ACYP2: variants seen among roughly 807,000 people sequenced by gnomAD.
The protein encoded by ACYP2 is acylphosphatase 2, also known as acylphosphatase-2.
A neutral mutation model predicts 11.2 loss-of-function variants in ACYP2; 12 were observed. The observed-to-expected ratio is 1.08, with a 90% CI of 0.69 to 1.74. ACYP2 has a LOEUF of 1.74. Ranked by LOEUF, ACYP2 falls within the 40% of genes most tolerant of loss-of-function variation. The pLI is 0.00. For synonymous variants in ACYP2, 43 were observed against 32.2 expected, an observed-to-expected ratio of 1.33 and a Z score of -1.13; for missense variants, 134 against 101.9, an observed-to-expected ratio of 1.31 and a Z score of -1.35.
chr2:54,297,397 C>T (rs1349544589), intron 6 of ACYP2, among the ~76,000 whole-genome samples: 1 of 152,092 alleles, frequency 6.6e-6, no homozygotes, highest in East Asian at 1.9e-4. Context: ...ACTTGAGAGG[C>T]TGAGATGGGA....
chr2:54,080,291 G>C (rs1205553577), intron 4 of ACYP2: 1 of 152,190 alleles, frequency 6.6e-6, no homozygotes, highest in East Asian at 1.9e-4. Context: ...TGGAAGCAAG[G>C]ACCCTAAAAA....
intron 6 of ACYP2, among the ~76,000 whole-genome samples, chr2:54,266,688 C>T (rs1688043089): frequency 7.0e-6 from 1 of 143,342 alleles, no homozygotes; most frequent in South Asian, 2.3e-4. Context: ...TCACTGCAAG[C>T]TCCGCCGTCC....
At chr2:54,100,068 TC>T (rs1167027626) in intron 4 of ACYP2, among the ~76,000 whole-genome samples, 2 of 152,244 alleles carry the variant, frequency 1.3e-5, no homozygotes, top group African/African-American at 4.8e-5. Context: ...CAAATTTAAG[TC>T]TTCCAGGTGT....
chr2:54,144,547 A>ATG (rs1681795811), intron 6 of ACYP2, among the ~76,000 whole-genome samples: 2 of 151,704 alleles, frequency 1.3e-5, no homozygotes, highest in Non-Finnish European at 2.9e-5. Context: ...GGTGGTACAC[A>ATG]CCTGTAATCC....
rs921147954 is a variant in ACYP2 at position 54,121,091 on chromosome 2, G to A, written c.278-14362G>A. On this transcript the variant is annotated intron_variant, in intron 4 of 6. Transcript: ENST00000607452. ...ACAGCTCTTTTTGCACCTGCCATTC[G>A]CTCTTGTCCCATGACCAAGAGGAAT... Among the ~76,000 whole-genome samples, 4 of 152,154 alleles carry A rather than the reference G, an allele frequency of 2.6e-5. No homozygotes were observed. In the South Asian group the frequency reaches 6.2e-4, roughly 24 times the overall value.
intron 4 of ACYP2, among the ~76,000 whole-genome samples, chr2:54,098,705 C>T (rs548458851): frequency 1.3e-5 from 2 of 150,472 alleles, no homozygotes; most frequent in South Asian, 2.1e-4. Context: ...TGCTGGTCCT[C>T]TCTGATTTCA....
chr2:54,219,117 G>A (rs1438420641), intron 6 of ACYP2, among the ~76,000 whole-genome samples: 1 of 152,166 alleles, frequency 6.6e-6, no homozygotes, highest in Non-Finnish European at 1.5e-5. Context: ...AGACAATTTT[G>A]TAATAAATTC....
At chr2:54,163,771 G>C (rs533435551) in intron 6 of ACYP2, among the ~76,000 whole-genome samples, 3 of 151,968 alleles carry the variant, frequency 2.0e-5, no homozygotes, top group Admixed American at 2.0e-4. Context: ...CAGGAGAATC[G>C]CTTGAACCCA....
At chr2:53,994,888 A>G (rs13398055) in intron 2 of ACYP2, among the ~76,000 whole-genome samples, 3,817 of 152,238 alleles carry the variant, frequency 0.025, 153 homozygotes, top group African/African-American at 0.088. Flanking sequence ...AAGAGTGGTT[A>G]TGTTGGGCTG....
intron 6 of ACYP2, among the ~76,000 whole-genome samples, chr2:54,222,055 A>G (rs1685822018): frequency 6.6e-6 from 1 of 152,176 alleles, no homozygotes; most frequent in African/African-American, 2.4e-5. Flanking sequence ...AGCCCTTACC[A>G]TATGCCAGGT....
rs57144917 is a variant in ACYP2, at chr2:54,201,594, C to CTTTCTTTCTT, written c.404+62847_404+62848insTTCTTTCTTT. On this transcript the variant is annotated intron_variant, in intron 6 of 6. Coordinates refer to ENST00000607452, the MANE Select transcript of ACYP2 (RefSeq NM_001320586.2). Reference sequence around the variant, plus strand: ...ATAGCCAGCTTCTTTTTCTTTCTTTCTCTTTCTTTCTTTCTTTCTTTCTTT... The same window carrying CTTTCTTTCTT: ...ATAGCCAGCTTCTTTTTCTTTCTTTCTTTCTTTCTTTCTTTCTTTCTTTCTTTCTTTCTTT... Among the ~76,000 whole-genome samples, 68 of 95,778 alleles carry CTTTCTTTCTT rather than the reference C, an allele frequency of 7.1e-4. 3 individuals are homozygous for CTTTCTTTCTT. The highest frequency in any genetic ancestry group is 2.5e-3 in the African/African-American group (62 of 24,906). 62.8% of individuals were successfully genotyped at this position (95,778 alleles called of 152,430 possible).
intron 6 of ACYP2, among the ~76,000 whole-genome samples, chr2:54,261,978 T>G (rs541577994): frequency 2.4e-4 from 36 of 152,318 alleles, no homozygotes; most frequent in African/African-American, 7.9e-4. Context: ...GAGAAAAATA[T>G]TTGAGTTACC....
At chr2:54,022,785 C>A (rs114083596) in intron 2 of ACYP2, among the ~76,000 whole-genome samples, 2,155 of 152,290 alleles carry the variant, frequency 0.014, 28 homozygotes, top group African/African-American at 0.032. Context: ...GCAAGGGGTG[C>A]CCTCTCCATT....
chr2:53,980,870 A>G (rs182413853), intron 2 of ACYP2, among the ~76,000 whole-genome samples: 1 of 151,856 alleles, frequency 6.6e-6, no homozygotes, highest in Non-Finnish European at 1.5e-5. Context: ...CTCCCACCTC[A>G]GCCTCCCGAG....
At chr2:54,202,478 C>T (rs1727509) in intron 6 of ACYP2, among the ~76,000 whole-genome samples, 2 of 145,646 alleles carry the variant, frequency 1.4e-5, no homozygotes, top group Non-Finnish European at 3.0e-5. Context: ...CTCGATCTCA[C>T]CTCGCTGCAA....
intron 6 of ACYP2, among the ~76,000 whole-genome samples, chr2:54,152,666 G>A (rs549165555): frequency 4.6e-5 from 7 of 152,132 alleles, no homozygotes; most frequent in Admixed American, 6.5e-5. Flanking sequence ...TTTCACATTG[G>A]CTTCATTCAC....
Position 54,304,906 on chromosome 2 carries a change from G to C in ACYP2, c.*104G>C. ...AGAGTAGGGTGAAAAGGAACTTTCT[G>C]TTCTGAAAGCTAAGCGACTGTACGT... On this transcript the variant is annotated 3_prime_UTR_variant, in exon 7 of 7. Coordinates refer to ENST00000607452, the MANE Select transcript of ACYP2 (RefSeq NM_001320586.2). 1 of 484,394 alleles carries C rather than the reference G, an allele frequency of 2.1e-6. No homozygotes were observed. Among genetic ancestry groups the C allele is most frequent in the Non-Finnish European group, 3.4e-6 (1 of 291,572 alleles). 30.0% of individuals were successfully genotyped at this position (484,394 alleles called of 1,614,324 possible).
intron 2 of ACYP2, among the ~76,000 whole-genome samples, chr2:54,005,365 A>C (rs955945797): frequency 1.5e-5 from 2 of 137,074 alleles, no homozygotes; most frequent in South Asian, 4.5e-4. Context: ...TTTGAGACGG[A>C]GTCTTATTCT....
At chr2:54,167,525 A>T (rs1344629879) in intron 6 of ACYP2, among the ~76,000 whole-genome samples, 1 of 152,218 alleles carries the variant, frequency 6.6e-6, no homozygotes, top group Non-Finnish European at 1.5e-5. Flanking sequence ...CACAAATGTT[A>T]TATAGATACA....
Sources: allele counts gnomAD v4.1 joint callset (sites outside exome capture counted in the v4.1 genomes callset), GRCh38; gene constraint gnomAD v4.1.1; transcripts MANE v1.5; gene names NCBI Gene and HGNC (gene_info 2026-07-23, HGNC 2026-07-21).